The following BTBD16 variants were observed in gnomAD, a reference collection of about 807,000 sequenced individuals.
The protein encoded by BTBD16 is BTB/POZ domain-containing protein 16.
A neutral mutation model predicts 67.4 loss-of-function variants in BTBD16; 66 were observed. That is an observed-to-expected ratio of 0.98 (90% CI 0.80 to 1.20). The LOEUF is 1.20. Ranked by LOEUF, BTBD16 falls within the 50% of genes most tolerant of loss-of-function variation. BTBD16 has a pLI of 0.00. For missense variants in BTBD16, 634 were observed against 616.0 expected (o/e 1.03, Z -0.31); for synonymous variants, 242 against 236.4 (o/e 1.02, Z -0.22).
In BTBD16 at chr10:122,299,142, C is replaced by G. The variant is rs1264370174; in HGVS notation, c.791+8C>G. The G allele has an allele frequency of 5.6e-6, 9 of 1,613,116 alleles. No homozygotes were observed. Among genetic ancestry groups the G allele is most frequent in the Admixed American group, 1.7e-5 (1 of 59,950 alleles). ...AGTGCTGAAGTCCCCCAGGTCAGAG[C>G]TGGCTCCCAGGGTGCGGCCCCTGAG... On this transcript the variant is annotated splice_region_variant and intron_variant, in intron 9 of 15. Transcript: ENST00000260723.
intron 12 of BTBD16, 102 bp from the exon 13 acceptor site, chr10:122,332,334 C>G (rs550459151): frequency 9.2e-4 from 943 of 1,026,770 alleles, no homozygotes; most frequent in Non-Finnish European, 1.1e-3. Context: ...TTTTTCAAAC[C>G]TGGTGAGGGG....
intron 7 of BTBD16, among the ~76,000 whole-genome samples, chr10:122,296,512 G>T (rs1483668557): frequency 6.6e-6 from 1 of 152,200 alleles, no homozygotes; most frequent in Non-Finnish European, 1.5e-5. Context: ...TTAAGGTTGT[G>T]CTTCCGTATG....
intron 10 of BTBD16, among the ~76,000 whole-genome samples, chr10:122,317,474 T>C (rs995361670): frequency 6.6e-6 from 1 of 151,886 alleles, no homozygotes; most frequent in South Asian, 2.1e-4. Context: ...GGTGAAACCC[T>C]GTCTCTACTA....
chr10:122,278,410 G>C (rs576363819), intron 3 of BTBD16, among the ~76,000 whole-genome samples: 10 of 152,198 alleles, frequency 6.6e-5, no homozygotes, highest in Admixed American at 1.3e-4. Context: ...TGGTTATAGA[G>C]CACCTTCTTC....
At chr10:122,278,617 C>T (rs2096345841) in intron 3 of BTBD16, among the ~76,000 whole-genome samples, 1 of 152,182 alleles carries the variant, frequency 6.6e-6, no homozygotes, top group Non-Finnish European at 1.5e-5. Context: ...CCCTTTATTT[C>T]ACTCTGCCTC....
intron 3 of BTBD16, among the ~76,000 whole-genome samples, chr10:122,280,272 T>G (rs549686044): frequency 6.6e-6 from 1 of 152,316 alleles, no homozygotes; most frequent in South Asian, 2.1e-4. Flanking sequence ...TCAATGCACA[T>G]GTGTCAAGCA....
intron 7 of BTBD16, among the ~76,000 whole-genome samples, chr10:122,292,582 G>A (rs2096376135): frequency 6.6e-6 from 1 of 152,196 alleles, no homozygotes; most frequent in African/African-American, 2.4e-5. Context: ...CCCTTCAATG[G>A]CATTTAGTCA....
At position 122,336,489 on chromosome 10, in the gene BTBD16, T is replaced by C; in HGVS notation, c.1264-5T>C. 1.3e-6 allele frequency: 2 copies of C among 1,596,508 alleles called. No individual in the cohort carries two copies. The highest frequency in any genetic ancestry group is 2.3e-5 in the East Asian group (1 of 44,356). On this transcript the variant is annotated splice_region_variant and splice_polypyrimidine_tract_variant and intron_variant, in intron 14 of 15. Transcript: ENST00000260723. ...TCCACCTAAGGTGAATCACTCTCTT[T>C]GCAGAGAATAAAGCACACAGACCTG... is the stretch of plus-strand genomic sequence containing the variant.
intron 10 of BTBD16, chr10:122,328,693 G>A (rs1397010529): frequency 3.2e-6 from 3 of 929,802 alleles, no homozygotes; most frequent in African/African-American, 3.6e-5. Flanking sequence ...ATTTCCAAAG[G>A]GACTTGGAAA....
chr10:122,301,552 T>G (rs2096394058), intron 9 of BTBD16, among the ~76,000 whole-genome samples: 1 of 152,072 alleles, frequency 6.6e-6, no homozygotes, highest in South Asian at 2.1e-4. Flanking sequence ...GCCCACATCT[T>G]CTGAGGTTGA....
In BTBD16 at chr10:122,298,998, T is replaced by C; in HGVS notation, c.661-6T>C. 1 of 1,613,350 alleles carries C rather than the reference T, an allele frequency of 6.2e-7. No homozygotes were observed. The highest frequency in any genetic ancestry group is 8.5e-7 in the Non-Finnish European group (1 of 1,179,920). On this transcript the variant is annotated splice_region_variant and splice_polypyrimidine_tract_variant and intron_variant, in intron 8 of 15. Coordinates refer to ENST00000260723, the MANE Select transcript of BTBD16 (RefSeq NM_144587.5). Reference sequence around the variant, plus strand: ...TCCTTCATCAACTGGCTTTTTTTTGTCTTAGTACAAGGAAGAGCAGCTCAC... The same window carrying C: ...TCCTTCATCAACTGGCTTTTTTTTGCCTTAGTACAAGGAAGAGCAGCTCAC...
chr10:122,300,412 A>G (rs1306494346), intron 9 of BTBD16, among the ~76,000 whole-genome samples: 1 of 152,008 alleles, frequency 6.6e-6, no homozygotes, highest in Non-Finnish European at 1.5e-5. Flanking sequence ...AGTACTGCCA[A>G]TCACCCTAGA....
At chr10:122,328,813 G>C (rs2096449931) in intron 10 of BTBD16, 1 of 985,290 alleles carries the variant, frequency 1.0e-6, no homozygotes, top group Non-Finnish European at 1.2e-6. Context: ...TTCTCAAAAA[G>C]AACTGGATCT....
chr10:122,277,144 G>C (rs2096342433), intron 3 of BTBD16, among the ~76,000 whole-genome samples: 1 of 143,376 alleles, frequency 7.0e-6, no homozygotes, highest in East Asian at 2.1e-4. Context: ...CAAAAGTGCA[G>C]AGAAAGATTG....
At chr10:122,278,946 G>A (rs1197813533) in intron 3 of BTBD16, among the ~76,000 whole-genome samples, 7 of 152,216 alleles carry the variant, frequency 4.6e-5, no homozygotes, top group Admixed American at 4.6e-4. Flanking sequence ...GGGCATGAGG[G>A]TAAGCCCAGG....
intron 10 of BTBD16, among the ~76,000 whole-genome samples, chr10:122,317,052 G>A (rs2096426301): frequency 6.6e-6 from 1 of 152,150 alleles, no homozygotes; most frequent in African/African-American, 2.4e-5. Flanking sequence ...GCCTCCCAAA[G>A]TGTTGGGATT....
chr10:122,291,315 G>C (rs2096373702), intron 7 of BTBD16, 121 bp downstream of exon 7: 11 of 1,236,254 alleles, frequency 8.9e-6, no homozygotes, highest in East Asian at 5.6e-5. Flanking sequence ...GTGTCTTTGT[G>C]CCAAGCATGG....
intron 10 of BTBD16, among the ~76,000 whole-genome samples, chr10:122,325,861 A>C (rs1476965151): frequency 1.3e-5 from 2 of 151,842 alleles, no homozygotes; most frequent in African/African-American, 2.4e-5. Flanking sequence ...TTTTTAGTAG[A>C]GATGGGGTTT....
chr10:122,329,447 A>G, intron 10 of BTBD16, 33 bp from the exon 11 acceptor site: 1 of 1,605,522 alleles, frequency 6.2e-7, no homozygotes. Flanking sequence ...AGTTTGCTGA[A>G]GGTCTGTTAT....
Sources: gnomAD v4.1 joint callset for allele counts (sites outside exome capture counted in the v4.1 genomes callset) on GRCh38, gnomAD v4.1.1 for gene constraint, MANE v1.5 for transcripts, NCBI Gene and HGNC (gene_info 2026-07-23, HGNC 2026-07-21) for gene names.